CPSF4L: variants seen among roughly 807,000 people sequenced by gnomAD.
CPSF4L encodes putative cleavage and polyadenylation specificity factor subunit 4-like protein.
CPSF4L carries 18 observed loss-of-function variants against 24.0 expected under a neutral mutation model. That is an observed-to-expected ratio of 0.75 (90% confidence interval 0.52 to 1.11). The LOEUF (loss-of-function observed/expected upper bound fraction) is 1.11, where lower values mean the gene tolerates loss of function less well. Among genes scored for constraint, CPSF4L ranks in the 50% least tolerant of loss-of-function variants. CPSF4L has a pLI of 0.00. For missense variants in CPSF4L, 211 were observed against 221.8 expected (o/e 0.95, Z 0.31); for synonymous variants, 72 against 77.2 (o/e 0.93, Z 0.35).
downstream of CPSF4L, chr17:73,247,499 T>C: frequency 1.5e-6 from 1 of 651,914 alleles, no homozygotes. Flanking sequence ...GTATCACTGC[T>C]ATAAATAAAG....
chr17:73,243,293 T>TA, the CPSF4L span: 14 of 399,946 alleles, frequency 3.5e-5, no homozygotes, highest in Admixed American at 2.5e-4. Flanking sequence ...TAGCTGGGAT[T>TA]ATAGGCATGC....
At chr17:73,257,656 G>A in intron 3 of CPSF4L, 25 bp downstream of exon 3, 1 of 1,550,224 alleles carries the variant, frequency 6.5e-7, no homozygotes, top group Non-Finnish European at 8.7e-7. Context: ...CCAGGGTGAG[G>A]CACCGAGCCA....
intron 2 of CPSF4L, 88 bp from the exon 3 acceptor site, chr17:73,257,921 C>A: frequency 7.2e-7 from 1 of 1,392,380 alleles, no homozygotes; most frequent in South Asian, 1.3e-5. Context: ...CAGGAGGGTA[C>A]CTGACTCAGT....
chr17:73,258,900 C>T (rs1366935705), intron 2 of CPSF4L, among the ~76,000 whole-genome samples: 3 of 152,166 alleles, frequency 2.0e-5, no homozygotes, highest in Non-Finnish European at 4.4e-5. Flanking sequence ...ATTCCAGAGA[C>T]CTAACAGGGT....
In CPSF4L at chr17:73,257,828, G is replaced by A; in HGVS notation, c.160C>T (p.Leu54Phe). 1.9e-6 allele frequency: 3 copies of A among 1,551,410 alleles called. No individual in the cohort carries two copies. The highest frequency in any genetic ancestry group is 2.6e-6 in the Non-Finnish European group (3 of 1,146,894). ...CCTCGGTCATGTCGGAAGGGGCAGAGTTTCCCTGGAGATGCCAGAGCACCT... is the reference window on the plus strand; with the variant it reads ...CCTCGGTCATGTCGGAAGGGGCAGAATTTCCCTGGAGATGCCAGAGCACCT... Reference protein sequence around the residue: ...FTKGLCEKGKLCPFRHDRGEK... With the variant: ...FTKGLCEKGKFCPFRHDRGEK... Residue 54 changes from leucine to phenylalanine, a missense_variant, in exon 3 of 6, where the codon CTC becomes TTC. Transcript: ENST00000344935.
chr17:73,262,677 G>A (rs570216235), upstream of CPSF4L, among the ~76,000 whole-genome samples: 233 of 152,308 alleles, frequency 1.5e-3, no homozygotes, highest in Non-Finnish European at 2.5e-3. Flanking sequence ...AGCATGTTAG[G>A]GCTCTAATTA....
At chr17:73,242,306 A>G in the CPSF4L span, 1 of 1,604,520 alleles carries the variant, frequency 6.2e-7, no homozygotes. Flanking sequence ...CGGACTTACA[A>G]CCTCCAACTT....
intron 3 of CPSF4L, among the ~76,000 whole-genome samples, chr17:73,257,478 G>T (rs954336176): frequency 6.6e-6 from 1 of 151,170 alleles, no homozygotes; most frequent in Non-Finnish European, 1.5e-5. Flanking sequence ...GATCCAGGGG[G>T]CAGTAAAGGG....
At chr17:73,259,165 G>A (rs188711025) in intron 2 of CPSF4L, among the ~76,000 whole-genome samples, 6 of 151,754 alleles carry the variant, frequency 4.0e-5, no homozygotes, top group East Asian at 2.0e-4. Flanking sequence ...TCAGCCTCCC[G>A]AGTAGCTGGG....
In CPSF4L at chr17:73,261,799, C is replaced by T. The variant is rs539774804; in HGVS notation, c.20G>A (p.Gly7Glu). The T allele has an allele frequency of 3.8e-5, 59 of 1,551,600 alleles. 1 individual carries two copies. Among genetic ancestry groups the T allele is most frequent in the Non-Finnish European group, 1.0e-5 (12 of 1,146,952 alleles). The part of the protein sequence containing the change: MQEVIA[G>E]LERFTFAFEK... Reference sequence around the variant, plus strand: ...GAAGGCAAAGGTGAACCGCTCTAGCCCCGCAATGACCTCTTGCATCTTCCG... The same window carrying T: ...GAAGGCAAAGGTGAACCGCTCTAGCTCCGCAATGACCTCTTGCATCTTCCG... The change falls in exon 1 of 6, where the codon GGG (glycine) becomes GAG (glutamate). Residue 7 changes from glycine (G) to glutamate (E), a missense_variant. Transcript: ENST00000344935.
intron 2 of CPSF4L, among the ~76,000 whole-genome samples, chr17:73,260,435 A>C (rs975588833): frequency 8.5e-5 from 13 of 152,132 alleles, no homozygotes; most frequent in Non-Finnish European, 1.9e-4. Flanking sequence ...TGCTCGGTGG[A>C]TCCAACCACT....
downstream of CPSF4L, chr17:73,245,056 T>G (rs1309982140): frequency 3.0e-6 from 3 of 984,430 alleles, no homozygotes; most frequent in Non-Finnish European, 4.7e-6. Flanking sequence ...TGCTTAATAC[T>G]CTATTTCTAA....
intron 4 of CPSF4L, 27 bp downstream of exon 4, chr17:73,253,904 A>T: frequency 3.3e-6 from 5 of 1,500,766 alleles, no homozygotes; most frequent in Non-Finnish European, 3.6e-6. Context: ...CACAGCCCCT[A>T]GGGCTCCCTG....
In CPSF4L at chr17:73,261,732, A is replaced by G; in HGVS notation, c.87T>C (p.Pro29=). 1.9e-6 allele frequency: 3 copies of G among 1,550,904 alleles called. No individual in the cohort carries two copies. The highest frequency in any genetic ancestry group is 2.6e-6 in the Non-Finnish European group (3 of 1,146,232). The change falls in exon 1 of 6, where the codon CCT becomes CCC. Residue 29 remains proline, a synonymous_variant. Transcript: ENST00000344935. ...VEMQKGTGLL[P]FQGMDKSASA... ...CTCACTCACTGTCCATGCCCTGGAA[A>G]GGCAGGAGCCCAGTGCCCTTCTGCA... is the stretch of plus-strand genomic sequence containing the variant.
intron 2 of CPSF4L, among the ~76,000 whole-genome samples, chr17:73,259,193 C>T (rs548671856): frequency 7.9e-5 from 12 of 152,100 alleles, no homozygotes; most frequent in African/African-American, 2.9e-4. Context: ...GCATGCACCA[C>T]CACACTGAGC....
At chr17:73,242,352 G>T in the CPSF4L span, 67 of 1,561,210 alleles carry the variant, frequency 4.3e-5, no homozygotes, top group Non-Finnish European at 5.6e-5. Context: ...GTACAAAAAG[G>T]TGAGGCTGGA....
the CPSF4L span, chr17:73,242,474 T>C: frequency 1.6e-6 from 1 of 619,640 alleles, no homozygotes; most frequent in Non-Finnish European, 2.8e-6. Context: ...TGTGTTGTCT[T>C]CCTAGTTTTC....
At chr17:73,262,111 C>G (rs1483712951), upstream of CPSF4L, 1 of 417,166 alleles carries the variant, frequency 2.4e-6, no homozygotes, top group East Asian at 4.0e-5. Context: ...CCACAAACTG[C>G]TTATCTTTGC....
chr17:73,261,522 G>A (rs772436473), intron 1 of CPSF4L, among the ~76,000 whole-genome samples, 194 bp downstream of exon 1: 27 of 152,202 alleles, frequency 1.8e-4, no homozygotes, highest in Non-Finnish European at 2.8e-4. Flanking sequence ...TCAGCTGGGC[G>A]TGGTGGCGGG....
Sources: allele counts gnomAD v4.1 joint callset (sites outside exome capture counted in the v4.1 genomes callset), GRCh38; gene constraint gnomAD v4.1.1; transcripts MANE v1.5; gene names NCBI Gene and HGNC (gene_info 2026-07-23, HGNC 2026-07-21).